The following CDH18 variants were observed in gnomAD, a reference collection of about 807,000 sequenced individuals.
CDH18 encodes the protein cadherin-18.
A neutral mutation model predicts 67.9 loss-of-function variants in CDH18; 31 were observed. The observed-to-expected ratio is 0.46, with a 90% CI of 0.34 to 0.62. CDH18 has a LOEUF of 0.62. CDH18 is among the 20% of genes least tolerant of loss of function. The pLI is 0.01. For missense variants in CDH18, 890 were observed against 975.5 expected (o/e 0.91, Z 1.17); for synonymous variants, 362 against 347.2 (o/e 1.04, Z -0.48).
intron 1 of CDH18, among the ~76,000 whole-genome samples, chr5:20,361,486 T>C (rs1742083315): frequency 6.6e-6 from 1 of 152,114 alleles, no homozygotes; most frequent in African/African-American, 2.4e-5. Context: ...CAGGTTTTCT[T>C]TATGTTCTTA....
chr5:19,622,152 T>A (rs1361690857), intron 5 of CDH18, among the ~76,000 whole-genome samples: 1 of 152,168 alleles, frequency 6.6e-6, no homozygotes, highest in Non-Finnish European at 1.5e-5. Flanking sequence ...AGAAGCAGCC[T>A]CTCCTGGCCA....
intron 10 of CDH18, among the ~76,000 whole-genome samples, chr5:19,503,892 T>C (rs1166498725): frequency 3.3e-5 from 5 of 152,142 alleles, no homozygotes; most frequent in Non-Finnish European, 7.4e-5. Context: ...AAAATTATCA[T>C]AATGCTTAGG....
chr5:19,804,246 G>C (rs192572533), intron 3 of CDH18, among the ~76,000 whole-genome samples: 20 of 151,452 alleles, frequency 1.3e-4, no homozygotes, highest in African/African-American at 3.9e-4. Flanking sequence ...AGCTTGCAGT[G>C]AGCCGAGATC....
At chr5:20,199,912 G>A (rs763220508) in intron 2 of CDH18, among the ~76,000 whole-genome samples, 1 of 152,138 alleles carries the variant, frequency 6.6e-6, no homozygotes, top group Non-Finnish European at 1.5e-5. Context: ...TGATGAAGGT[G>A]ACTTCCTCCC....
chr5:19,528,742 G>A (rs74489315), intron 9 of CDH18, among the ~76,000 whole-genome samples: 135 of 151,922 alleles, frequency 8.9e-4, no homozygotes, highest in African/African-American at 2.8e-3. Flanking sequence ...AACACTAAGC[G>A]TGGCAACACT....
intron 2 of CDH18, among the ~76,000 whole-genome samples, chr5:19,848,695 G>T (rs1783290888): frequency 6.6e-6 from 1 of 151,878 alleles, no homozygotes; most frequent in African/African-American, 2.4e-5. Context: ...GCACCAAGAA[G>T]ATTAAAAGAG....
intron 1 of CDH18, among the ~76,000 whole-genome samples, chr5:20,269,901 A>C (rs892922187): frequency 6.6e-6 from 1 of 152,118 alleles, no homozygotes; most frequent in Non-Finnish European, 1.5e-5. Context: ...GAAAATGTAC[A>C]GAATTCAAAA....
At chr5:19,491,800 C>CAAAA (rs112118148) in intron 11 of CDH18, among the ~76,000 whole-genome samples, 2 of 149,036 alleles carry the variant, frequency 1.3e-5, no homozygotes, top group African/African-American at 4.9e-5. Context: ...ATGAATGCTG[C>CAAAA]AAAAAAAAAC....
At chr5:20,138,655 T>G (rs1749956721) in intron 2 of CDH18, among the ~76,000 whole-genome samples, 1 of 152,116 alleles carries the variant, frequency 6.6e-6, no homozygotes, top group Non-Finnish European at 1.5e-5. Context: ...TCATAAACAT[T>G]CCTATACACC....
At position 20,113,980 on chromosome 5, in the gene CDH18, T is replaced by A. The variant is rs576871014; in HGVS notation, c.-517-121966A>T. 3.3e-5 allele frequency among the ~76,000 whole-genome samples: 5 copies of A among 152,348 alleles called. No individual in the cohort carries two copies. In the South Asian group the frequency reaches 1.0e-3, roughly 32 times the overall value. On this transcript the variant is annotated intron_variant, in intron 2 of 14. Transcript: ENST00000507958. Reference sequence around the variant, plus strand: ...ACCCCAACAGTCTTTGGTTAAGACCTACATTATTATTGATTGCTGCCTGAA... The same window carrying A: ...ACCCCAACAGTCTTTGGTTAAGACCAACATTATTATTGATTGCTGCCTGAA...
At chr5:20,300,641 C>T (rs936643993) in intron 1 of CDH18, among the ~76,000 whole-genome samples, 7 of 152,054 alleles carry the variant, frequency 4.6e-5, no homozygotes, top group African/African-American at 1.7e-4. Flanking sequence ...TCTCCTCAGG[C>T]TGTCTTCATT....
rs140115702 is a variant in CDH18, at chr5:20,235,007, G to C, written c.-518+20437C>G. Among the ~76,000 whole-genome samples, 283 of 152,130 alleles carry C rather than the reference G, an allele frequency of 1.9e-3. 2 individuals are homozygous for C. Among genetic ancestry groups the C allele is most frequent in the Admixed American group, 3.7e-3 (56 of 15,266 alleles). ...CTTAAAATGCAGAATAAGTCTAGAAGTCCTATATTATAAAATTTAAAAAAT... is the reference window on the plus strand; with the variant it reads ...CTTAAAATGCAGAATAAGTCTAGAACTCCTATATTATAAAATTTAAAAAAT... On this transcript the variant is annotated intron_variant, in intron 2 of 14. Coordinates refer to the CDH18 transcript ENST00000507958.
chr5:19,692,999 C>T (rs891891802), intron 5 of CDH18, among the ~76,000 whole-genome samples: 2 of 151,900 alleles, frequency 1.3e-5, no homozygotes, highest in Admixed American at 1.3e-4. Flanking sequence ...ACCTAAGTGG[C>T]TATCAATCGA....
chr5:19,592,746 C>T (rs1324102810), intron 6 of CDH18, among the ~76,000 whole-genome samples: 1 of 152,094 alleles, frequency 6.6e-6, no homozygotes, highest in Non-Finnish European at 1.5e-5. Context: ...TTCATAGACA[C>T]AGTATTTTTC....
intron 5 of CDH18, among the ~76,000 whole-genome samples, chr5:19,689,619 C>T (rs186675041): frequency 7.7e-4 from 117 of 151,594 alleles, no homozygotes; most frequent in African/African-American, 2.6e-3. Context: ...TTTAAACATA[C>T]AAATGAGGAA....
At chr5:20,471,078 C>G (rs1459676519) in intron 1 of CDH18, among the ~76,000 whole-genome samples, 1 of 147,696 alleles carries the variant, frequency 6.8e-6, no homozygotes, top group Non-Finnish European at 1.5e-5. Flanking sequence ...TTCTCTATCT[C>G]TCTTAAACTT....
chr5:20,542,133 A>C (rs1757083140), intron 1 of CDH18, among the ~76,000 whole-genome samples: 1 of 152,104 alleles, frequency 6.6e-6, no homozygotes, highest in South Asian at 2.1e-4. Flanking sequence ...TTTAATAGAG[A>C]CAGTGTTTCA....
At chr5:20,357,206 T>C (rs1040995942) in intron 1 of CDH18, among the ~76,000 whole-genome samples, 1 of 152,026 alleles carries the variant, frequency 6.6e-6, no homozygotes, top group Non-Finnish European at 1.5e-5. Flanking sequence ...AGATCTTTAA[T>C]GTGATTCCAA....
At chr5:20,274,642 CA>C (rs1029258188) in intron 1 of CDH18, among the ~76,000 whole-genome samples, 11 of 151,606 alleles carry the variant, frequency 7.3e-5, no homozygotes, top group African/African-American at 2.4e-4. Flanking sequence ...TCTTAAAAAA[CA>C]AAAAAAGTGT....
Sources: gnomAD v4.1 joint callset for allele counts (sites outside exome capture counted in the v4.1 genomes callset) on GRCh38, gnomAD v4.1.1 for gene constraint, MANE v1.5 for transcripts, NCBI Gene and HGNC (gene_info 2026-07-23, HGNC 2026-07-21) for gene names.